The following UNC79 variants were observed in gnomAD, a reference collection of about 807,000 sequenced individuals.
UNC79 encodes protein unc-79 homolog.
Under a neutral mutation model 283.1 loss-of-function variants are expected in UNC79, and 37 were observed. The observed-to-expected ratio is 0.13, with a 90% CI of 0.10 to 0.17. The LOEUF (loss-of-function observed/expected upper bound fraction) is 0.17, where lower values mean the gene tolerates loss of function less well. UNC79 is among the 10% of genes least tolerant of loss of function. The probability of loss-of-function intolerance (pLI) is 1.00; values close to 1 mark genes in which losing one functional copy is unlikely to be tolerated. For missense variants in UNC79, 2,272 were observed against 3,211.1 expected, an observed-to-expected ratio of 0.71 and a Z score of 7.07; for synonymous variants, 1,107 against 1,200.2, an observed-to-expected ratio of 0.92 and a Z score of 1.61.
chr14:93,660,682 C>G (rs376532240), intron 39 of UNC79, among the ~76,000 whole-genome samples: 2 of 151,026 alleles, frequency 1.3e-5, no homozygotes, highest in East Asian at 2.0e-4. Flanking sequence ...CTCCGGCTCC[C>G]GGGTTCAAAC....
At chr14:93,433,796 G>T (rs2055973067) in intron 1 of UNC79, among the ~76,000 whole-genome samples, 2 of 152,186 alleles carry the variant, frequency 1.3e-5, no homozygotes, top group African/African-American at 4.8e-5. Flanking sequence ...GAAAGTACTT[G>T]CATTTCAACC....
intron 1 of UNC79, among the ~76,000 whole-genome samples, chr14:93,379,650 A>G (rs1238662261): frequency 4.0e-5 from 6 of 149,698 alleles, no homozygotes; most frequent in African/African-American, 1.5e-4. Context: ...TTGCAGAAGT[A>G]CATTTTGGAA....
At chr14:93,526,123 A>G (rs2141007451) in intron 8 of UNC79, among the ~76,000 whole-genome samples, 1 of 152,172 alleles carries the variant, frequency 6.6e-6, no homozygotes, top group African/African-American at 2.4e-5. Context: ...ATATCCCCCA[A>G]ATCTTACTTT....
intron 1 of UNC79, among the ~76,000 whole-genome samples, chr14:93,416,734 G>C (rs1030718610): frequency 1.3e-5 from 2 of 152,110 alleles, no homozygotes; most frequent in Non-Finnish European, 2.9e-5. Flanking sequence ...ATTTAGGATA[G>C]TTAGCTCTTC....
chr14:93,582,062 G>A (rs1253615048), intron 19 of UNC79, 141 bp from the exon 20 acceptor site: 2 of 1,186,996 alleles, frequency 1.7e-6, no homozygotes, highest in Non-Finnish European at 1.2e-6. Context: ...GTCTTCTGGG[G>A]TGTGGTGCCT....
At chr14:93,614,781 G>C (rs955369155) in intron 27 of UNC79, among the ~76,000 whole-genome samples, 3 of 152,094 alleles carry the variant, frequency 2.0e-5, no homozygotes, top group Non-Finnish European at 2.9e-5. Context: ...TGCATGCCAT[G>C]GTGGACAGAC....
intron 1 of UNC79, among the ~76,000 whole-genome samples, chr14:93,372,670 C>A (rs1324790406): frequency 1.3e-5 from 2 of 152,104 alleles, no homozygotes; most frequent in Non-Finnish European, 2.9e-5. Context: ...ATACATGAGA[C>A]AAAAACCAGT....
At chr14:93,648,321 G>A (rs978954664) in intron 35 of UNC79, among the ~76,000 whole-genome samples, 1 of 152,144 alleles carries the variant, frequency 6.6e-6, no homozygotes, top group African/African-American at 2.4e-5. Flanking sequence ...GGACCCCTCT[G>A]GCTTCTCTGT....
chr14:93,463,950 C>T (rs556723759), intron 1 of UNC79, among the ~76,000 whole-genome samples: 2 of 152,192 alleles, frequency 1.3e-5, no homozygotes, highest in African/African-American at 2.4e-5. Flanking sequence ...GAGATTGAGA[C>T]CATACTGGCT....
rs560171344 is a variant in UNC79, at chr14:93,362,472, C to T, written c.-351+28949C>T. Among the ~76,000 whole-genome samples the T allele has an allele frequency of 3.9e-5, 6 of 152,192 alleles. No individual in the cohort carries two copies. In the East Asian group the frequency reaches 1.2e-3, roughly 29 times the overall value. Reference sequence around the variant, plus strand: ...CCAGCGATTTTCCTGCCTCAGCCTCCCAAGTAGCTAGGATTACAGGTGTGT... The same window carrying T: ...CCAGCGATTTTCCTGCCTCAGCCTCTCAAGTAGCTAGGATTACAGGTGTGT... On this transcript the variant is annotated intron_variant, in intron 1 of 49. Coordinates refer to the UNC79 transcript ENST00000256339.
rs1595465793 is a variant in UNC79 at position 93,430,916 on chromosome 14, C to A, written c.-114C>A. On this transcript the variant is annotated 5_prime_UTR_variant, in exon 1 of 49. Coordinates refer to ENST00000555664, the Ensembl canonical transcript of UNC79. This position sits in a 1 kb window ranked among gnomAD's most constrained non-coding sequence, Gnocchi z 4.6. ...ACACGGGCCTAAGGGAGGGGGAAAG[C>A]GAGGGGGTGGGGGGTGGGGGGTATG... is the stretch of plus-strand genomic sequence containing the variant. 3 of 456,174 alleles carry A rather than the reference C, an allele frequency of 6.6e-6. No individual in the cohort carries two copies. The highest frequency in any genetic ancestry group is 6.0e-5 in the African/African-American group (1 of 16,590). 28.3% of individuals were successfully genotyped at this position (456,174 alleles called of 1,614,324 possible). A position where few individuals can be genotyped will look rare whatever the true frequency, so the allele number is the denominator to read the frequency against.
chr14:93,352,060 C>T (rs17129016), intron 1 of UNC79, among the ~76,000 whole-genome samples: 18,960 of 152,152 alleles, frequency 0.12, 1,518 homozygotes, highest in African/African-American at 0.22. Context: ...AATTATTTTT[C>T]GGAGTGAGAG....
chr14:93,707,091 A>T (rs2075925289), downstream of UNC79: 2 of 601,634 alleles, frequency 3.3e-6, no homozygotes, highest in Admixed American at 3.1e-5. Context: ...ATTTCTGATG[A>T]CTCCTTGGGC....
intron 1 of UNC79, among the ~76,000 whole-genome samples, chr14:93,412,726 G>C (rs186066948): frequency 3.3e-5 from 5 of 151,886 alleles, no homozygotes; most frequent in African/African-American, 1.2e-4. Context: ...GGCCAGGAGA[G>C]AGTGGCATGA....
rs2064244038 is a variant in UNC79 at position 93,586,680 on chromosome 14, A to AT, written c.2883+9dup. 1 of 1,613,394 alleles carries AT rather than the reference A, an allele frequency of 6.2e-7. No homozygotes were observed. Among genetic ancestry groups the AT allele is most frequent in the African/African-American group, 1.3e-5 (1 of 75,000 alleles). On this transcript the variant is annotated splice_donor_region_variant and intron_variant, in intron 21 of 48. Coordinates refer to ENST00000555664, the Ensembl canonical transcript of UNC79. ...CTAATATATACCATTTTCCAGGTAT[A>AT]TTTTCTGATGTCTTTGAATACTTGG...
chr14:93,390,846 A>G (rs1243498433), intron 1 of UNC79, among the ~76,000 whole-genome samples: 2 of 152,210 alleles, frequency 1.3e-5, no homozygotes, highest in Non-Finnish European at 2.9e-5. Context: ...GCAAAACTTA[A>G]TGTTGTAAAG....
At chr14:93,477,450 C>A in intron 3 of UNC79, 108 bp from the exon 4 acceptor site, 1 of 836,194 alleles carries the variant, frequency 1.2e-6, no homozygotes, top group Non-Finnish European at 1.8e-6. Flanking sequence ...AGATGGAGCA[C>A]TAGTTGCTTA....
intron 1 of UNC79, among the ~76,000 whole-genome samples, chr14:93,404,507 T>TATATATATATATATATATATAA (rs2055183822): frequency 1.9e-5 from 2 of 106,948 alleles, no homozygotes; most frequent in Non-Finnish European, 4.0e-5. Flanking sequence ...TATATATATA[T>TATATATATATATATATATATAA]ATATATAAAT....
chr14:93,593,125 C>A (rs1358879862), intron 22 of UNC79, among the ~76,000 whole-genome samples: 1 of 152,184 alleles, frequency 6.6e-6, no homozygotes, highest in Non-Finnish European at 1.5e-5. Context: ...GGTCATACGC[C>A]TTCTCCTAGC....
Sources: allele counts gnomAD v4.1 joint callset (sites outside exome capture counted in the v4.1 genomes callset), GRCh38; gene constraint gnomAD v4.1.1; non-coding constraint Gnocchi (gnomAD v3.1); transcripts MANE v1.5; gene names NCBI Gene and HGNC (gene_info 2026-07-23, HGNC 2026-07-21).